Variants in ITPKB observed in about 807,000 individuals in gnomAD.
ITPKB encodes inositol-trisphosphate 3-kinase B, also known as IP3 3-kinase B.
In ITPKB, 13 loss-of-function variants were observed where a neutral mutation model predicts 69.4. The ratio of observed to expected loss-of-function variants is 0.19; its 90% CI spans 0.12 to 0.30. ITPKB has a LOEUF of 0.30. ITPKB is among the 10% of genes least tolerant of loss of function. ITPKB has a pLI of 1.00. For synonymous variants in ITPKB, 584 were observed against 513.7 expected (o/e 1.14, Z -1.85); for missense variants, 1,240 against 1,250.5 (o/e 0.99, Z 0.13).
At chr1:226,706,147 C>A (rs6662364) in intron 2 of ITPKB, among the ~76,000 whole-genome samples, 4,291 of 152,276 alleles carry the variant, frequency 0.028, 202 homozygotes, top group African/African-American at 0.099. Context: ...ACTCCACAAA[C>A]CTGTAAGAGT....
chr1:226,736,581 A>C lies in ITPKB; in HGVS notation c.878T>G (p.Leu293Trp), dbSNP rs1012844780. 1 of 1,613,754 alleles carries C rather than the reference A, an allele frequency of 6.2e-7. No individual in the cohort carries two copies. The highest frequency in any genetic ancestry group is 1.3e-5 in the African/African-American group (1 of 74,916). ...PGTRSCLAPSLGLFGASLTMA... is the reference protein window; with the variant it reads ...PGTRSCLAPSWGLFGASLTMA... The stretch of plus-strand genomic sequence containing the variant: ...CGTTAAGCTAGCTCCGAACAGCCCC[A>C]ATGAGGGAGCTAGGCAGCTCCGAGT... The change falls in exon 2 of 8, where the codon TTG (leucine) becomes TGG (tryptophan). Residue 293 changes from leucine to tryptophan, a missense_variant. By Grantham distance (61) the Leu-to-Trp change is moderately conservative. Around this residue, in one of 2 missense-constraint regions of ITPKB, gnomAD observed 992 missense variants for 853.8 expected, o/e 1.16. Coordinates refer to ENST00000429204, the MANE Select transcript of ITPKB (RefSeq NM_002221.4).
intron 2 of ITPKB, among the ~76,000 whole-genome samples, chr1:226,714,261 G>GT: frequency 6.6e-6 from 1 of 152,342 alleles, no homozygotes; most frequent in South Asian, 2.1e-4. Context: ...TTACAAGTCA[G>GT]TATGTGATTC....
intron 2 of ITPKB, chr1:226,675,985 G>A (rs1247384553): frequency 1.3e-5 from 2 of 152,142 alleles, no homozygotes; most frequent in African/African-American, 4.8e-5. Context: ...AACCAAAGTG[G>A]GGGGATCTCA....
At chr1:226,716,203 T>C (rs948050236) in intron 2 of ITPKB, among the ~76,000 whole-genome samples, 2 of 152,180 alleles carry the variant, frequency 1.3e-5, no homozygotes, top group African/African-American at 4.8e-5. Flanking sequence ...ATGTGGAAAA[T>C]ACTAAGAAAT....
At chr1:226,639,501 A>G in intron 6 of ITPKB, 56 bp downstream of exon 6, 1 of 1,171,858 alleles carries the variant, frequency 8.5e-7, no homozygotes, top group Non-Finnish European at 1.3e-6. Context: ...CAGAGTAGAC[A>G]CAGTTGTCCC....
At position 226,637,694 on chromosome 1, in the gene ITPKB, G is replaced by A. The variant is rs1571833128; in HGVS notation, c.2610C>T (p.Phe870=). The part of the protein sequence containing the change: ...AIRTTLEVSP[F]FKCHEVIGSS... Reference sequence around the variant, plus strand: ...CAGTATCTACCTCGTGGCACTTGAAGAAGGGAGAAACTTCTAGAGTGGTTC... The same window carrying A: ...CAGTATCTACCTCGTGGCACTTGAAAAAGGGAGAAACTTCTAGAGTGGTTC... The change falls in exon 7 of 8, where the codon TTC becomes TTT. Residue 870 remains phenylalanine, a synonymous_variant. Transcript: ENST00000429204. The surrounding 1 kb of genome is among the most constrained non-coding windows in gnomAD (Gnocchi z 4.3). 1.9e-6 allele frequency: 3 copies of A among 1,613,726 alleles called. No individual in the cohort carries two copies. The East Asian group carries it at 6.7e-5, about 36-fold the overall frequency.
At chr1:226,653,513 C>T (rs906389681) in intron 2 of ITPKB, among the ~76,000 whole-genome samples, 4 of 152,246 alleles carry the variant, frequency 2.6e-5, no homozygotes, top group Non-Finnish European at 5.9e-5. Flanking sequence ...ATACATCCCT[C>T]CCTGGGGCTG....
chr1:226,707,388 G>T (rs765691165), intron 2 of ITPKB: 4 of 282,648 alleles, frequency 1.4e-5, no homozygotes, highest in Non-Finnish European at 1.6e-5. Flanking sequence ...GTAGAGACGG[G>T]GTTTCACCAT....
At chr1:226,678,489 ATG>A (rs1655968697) in intron 2 of ITPKB, among the ~76,000 whole-genome samples, 4 of 152,318 alleles carry the variant, frequency 2.6e-5, no homozygotes, top group Admixed American at 2.6e-4. Flanking sequence ...GGTTAGGAAC[ATG>A]GTCTCTGGAG....
intron 2 of ITPKB, among the ~76,000 whole-genome samples, chr1:226,670,660 A>G (rs1669596327): frequency 6.6e-6 from 1 of 152,268 alleles, no homozygotes; most frequent in East Asian, 1.9e-4. Context: ...ATACCAATTT[A>G]TAAGAGTAGT....
intron 2 of ITPKB, among the ~76,000 whole-genome samples, chr1:226,673,386 A>G (rs768965187): frequency 2.0e-5 from 3 of 152,204 alleles, no homozygotes; most frequent in Non-Finnish European, 2.9e-5. Context: ...AAATAAAATA[A>G]AACAGGGATG....
intron 2 of ITPKB, among the ~76,000 whole-genome samples, chr1:226,665,998 T>C (rs1669496305): frequency 6.6e-6 from 1 of 152,142 alleles, no homozygotes; most frequent in African/African-American, 2.4e-5. Flanking sequence ...CAACTGCATT[T>C]TGAGGGGTGA....
In ITPKB at chr1:226,632,171, C is replaced by T. The variant is rs1236080330; in HGVS notation, c.*2500G>A. ...TGGGAAAAGCAAGCAGTTGAAGAAA[C>T]CTTCCGAGAATGCTAAGCAGTGCTG... On this transcript the variant is annotated 3_prime_UTR_variant, in exon 8 of 8. Coordinates refer to ENST00000429204, the MANE Select transcript of ITPKB (RefSeq NM_002221.4). 1 of 152,634 alleles carries T rather than the reference C, an allele frequency of 6.6e-6. No individual in the cohort carries two copies. Among genetic ancestry groups the T allele is most frequent in the Non-Finnish European group, 1.5e-5 (1 of 68,048 alleles). 9.5% of individuals were successfully genotyped at this position (152,634 alleles called of 1,614,324 possible). A position where few individuals can be genotyped will look rare whatever the true frequency, so the allele number is the denominator to read the frequency against.
Position 226,641,883 on chromosome 1 carries a change from G to A in ITPKB, c.2451+38C>T, listed in dbSNP as rs540591117. 1.3e-5 allele frequency: 21 copies of A among 1,581,006 alleles called. No individual in the cohort carries two copies. In the Admixed American group the frequency reaches 1.3e-4, roughly 10 times the overall value. On this transcript the variant is annotated intron_variant, in intron 5 of 7. Coordinates refer to ENST00000429204, the MANE Select transcript of ITPKB (RefSeq NM_002221.4). The surrounding 1 kb of genome is among the most constrained non-coding windows in gnomAD (Gnocchi z 4.6). ...AAGCCAAGCCCCCTGAGGTGGGCAC[G>A]GGTGGGGCCCGAGGCTGCCCTCACT...
At chr1:226,661,962 A>G (rs569387859) in intron 2 of ITPKB, among the ~76,000 whole-genome samples, 400 of 152,322 alleles carry the variant, frequency 2.6e-3, no homozygotes, top group African/African-American at 9.0e-3. Flanking sequence ...TGGATCCCCA[A>G]TGAAAAGTCC....
intron 5 of ITPKB, 106 bp from the exon 6 acceptor site, chr1:226,639,764 TG>T: frequency 1.3e-6 from 1 of 777,978 alleles, no homozygotes; most frequent in Non-Finnish European, 2.3e-6. Flanking sequence ...CATCTGAACC[TG>T]GGGCAGGGCC....
chr1:226,697,050 C>T (rs1056735889), intron 2 of ITPKB, among the ~76,000 whole-genome samples: 3 of 152,202 alleles, frequency 2.0e-5, no homozygotes, highest in Non-Finnish European at 2.9e-5. Context: ...AACCACCAAA[C>T]AAATGGATTC....
chr1:226,685,075 T>C (rs1416970968), intron 2 of ITPKB, among the ~76,000 whole-genome samples: 1 of 152,208 alleles, frequency 6.6e-6, no homozygotes, highest in Non-Finnish European at 1.5e-5. Flanking sequence ...AGCTGGGGAA[T>C]GAAGGAGTTG....
intron 2 of ITPKB, among the ~76,000 whole-genome samples, chr1:226,651,426 A>C (rs1435638150): frequency 2.0e-5 from 3 of 152,216 alleles, no homozygotes; most frequent in Non-Finnish European, 4.4e-5. Context: ...TAAAGCTGTC[A>C]GGAGATGTGG....
Sources: allele counts gnomAD v4.1 joint callset (sites outside exome capture counted in the v4.1 genomes callset), GRCh38; gene constraint gnomAD v4.1.1; regional missense constraint gnomAD v4.1.1; non-coding constraint Gnocchi (gnomAD v3.1); transcripts MANE v1.5; gene names NCBI Gene and HGNC (gene_info 2026-07-23, HGNC 2026-07-21).